Variants in JMJD1C observed in about 807,000 individuals in gnomAD.
JMJD1C encodes jumonji domain-containing protein 1C.
JMJD1C carries 31 observed loss-of-function variants against 245.3 expected under a neutral mutation model. That is an observed-to-expected ratio of 0.13 (90% CI 0.09 to 0.17). JMJD1C has a LOEUF of 0.17. Among genes scored for constraint, JMJD1C ranks in the 10% least tolerant of loss-of-function variants. The probability of loss-of-function intolerance (pLI) is 1.00; values close to 1 mark genes in which losing one functional copy is unlikely to be tolerated. For missense variants in JMJD1C, 2,691 were observed against 3,000.2 expected, an observed-to-expected ratio of 0.90 and a Z score of 2.41; for synonymous variants, 1,057 against 1,017.4, an observed-to-expected ratio of 1.04 and a Z score of -0.74.
At position 63,465,419 on chromosome 10, in the gene JMJD1C, G is replaced by A. The variant is rs1953154076; in HGVS notation, c.168+76C>T. 13 of 1,403,276 alleles carry A rather than the reference G, an allele frequency of 9.3e-6. No homozygotes were observed. In the South Asian group the frequency reaches 1.2e-4, roughly 13 times the overall value. The allele number at this position is 1,403,276 out of a possible 1,614,324, so 86.9% of individuals were successfully genotyped here. ...TGGCCGGGCTGAGCGAGGCGCCAGA[G>A]GGAAGCCTGCAAGGTACGTCTGCGA... On this transcript the variant is annotated intron_variant, in intron 1 of 25. Coordinates refer to ENST00000399262, the MANE Select transcript of JMJD1C (RefSeq NM_032776.3).
intron 21 of JMJD1C, 29 bp from the exon 22 acceptor site, chr10:63,183,598 A>T (rs865890342): frequency 2.2e-6 from 3 of 1,334,464 alleles, no homozygotes; most frequent in Non-Finnish European, 3.1e-6. Flanking sequence ...TTTACTTGAC[A>T]AAATATTTAT....
At chr10:63,219,717 T>G (rs1195112707) in intron 4 of JMJD1C, among the ~76,000 whole-genome samples, 161 bp downstream of exon 4, 1 of 152,202 alleles carries the variant, frequency 6.6e-6, no homozygotes, top group Non-Finnish European at 1.5e-5. Flanking sequence ...CAACTTTCTA[T>G]CAAAATTATT....
At chr10:63,485,610 G>T (rs374184339) in intron 1 of JMJD1C, among the ~76,000 whole-genome samples, 81 of 152,262 alleles carry the variant, frequency 5.3e-4, no homozygotes, top group African/African-American at 1.9e-3. Context: ...ACTCCATTTT[G>T]AGTTAGGAGA....
intron 1 of JMJD1C, among the ~76,000 whole-genome samples, chr10:63,486,158 A>C (rs1328582142): frequency 5.5e-4 from 25 of 45,820 alleles, no homozygotes; most frequent in East Asian, 1.6e-3. Flanking sequence ...AAAAAAAAAA[A>C]AAAAAAAAAA....
At chr10:63,305,629 C>CGTGTGTGT (rs36038855) in intron 2 of JMJD1C, among the ~76,000 whole-genome samples, 6,693 of 121,644 alleles carry the variant, frequency 0.055, 350 homozygotes, top group Non-Finnish European at 0.07. Flanking sequence ...ACCATGCTGG[C>CGTGTGTGT]GTGTGTGTGT....
At chr10:63,289,214 C>T (rs147654297) in intron 2 of JMJD1C, among the ~76,000 whole-genome samples, 78 of 152,214 alleles carry the variant, frequency 5.1e-4, no homozygotes, top group African/African-American at 1.7e-3. Flanking sequence ...AAATCCAGAA[C>T]TAGTGAAATT....
chr10:63,397,131 T>C (rs1043636817), intron 1 of JMJD1C, among the ~76,000 whole-genome samples: 5 of 152,234 alleles, frequency 3.3e-5, no homozygotes, highest in Non-Finnish European at 7.3e-5. Context: ...TCATTCTTAC[T>C]GGATCCACTA....
At chr10:63,239,042 G>A (rs528978108) in intron 3 of JMJD1C, among the ~76,000 whole-genome samples, 1 of 152,262 alleles carries the variant, frequency 6.6e-6, no homozygotes, top group East Asian at 1.9e-4. Flanking sequence ...GTCAGGAAAG[G>A]ATTTACAGAG....
intron 1 of JMJD1C, among the ~76,000 whole-genome samples, chr10:63,413,082 G>C (rs527963911): frequency 1.3e-5 from 2 of 152,234 alleles, no homozygotes; most frequent in African/African-American, 4.8e-5. Context: ...CCTATTGAAA[G>C]ACTAAGCAGT....
chr10:63,264,544 T>TA (rs1483202862), intron 3 of JMJD1C, 107 bp downstream of exon 3: 85 of 593,202 alleles, frequency 1.4e-4, no homozygotes, highest in Non-Finnish European at 1.2e-4. Context: ...TTCACACAAC[T>TA]AGAAGTTAGA....
At chr10:63,283,367 C>A (rs1857618391) in intron 2 of JMJD1C, among the ~76,000 whole-genome samples, 1 of 122,544 alleles carries the variant, frequency 8.2e-6, no homozygotes, top group East Asian at 2.3e-4. Flanking sequence ...CTTTCTGAGC[C>A]TTTTTTTTTT....
chr10:63,217,358 C>T (rs780003299), intron 4 of JMJD1C, 27 bp from the exon 5 acceptor site: 34 of 1,523,278 alleles, frequency 2.2e-5, no homozygotes, highest in Non-Finnish European at 2.8e-5. Context: ...GAAACAGAAA[C>T]ATCTTAAATG....
chr10:63,215,505 C>A, intron 6 of JMJD1C, 48 bp downstream of exon 6: 1 of 1,609,006 alleles, frequency 6.2e-7, no homozygotes. Flanking sequence ...TTTCTACTAG[C>A]CTAAGGAAAA....
At chr10:63,173,328 G>A (rs942224592) in intron 24 of JMJD1C, among the ~76,000 whole-genome samples, 10 of 152,090 alleles carry the variant, frequency 6.6e-5, no homozygotes, top group Admixed American at 3.3e-4. Context: ...AGAAGAAAAT[G>A]AGGAGAAAAT....
At chr10:63,292,925 T>C (rs1858950938) in intron 2 of JMJD1C, among the ~76,000 whole-genome samples, 1 of 151,982 alleles carries the variant, frequency 6.6e-6, no homozygotes, top group Non-Finnish European at 1.5e-5. Flanking sequence ...TTGCCTGTAA[T>C]CCCAGCTACT....
upstream of JMJD1C, among the ~76,000 whole-genome samples, chr10:63,468,653 A>T (rs374606657): frequency 1.3e-5 from 2 of 152,304 alleles, no homozygotes; most frequent in African/African-American, 4.8e-5. Context: ...TAGACATATA[A>T]ATTAGATTTT....
chr10:63,504,331 G>C (rs1206644386), intron 1 of JMJD1C, among the ~76,000 whole-genome samples: 2 of 152,172 alleles, frequency 1.3e-5, no homozygotes, highest in African/African-American at 2.4e-5. Flanking sequence ...GTACAATGCA[G>C]AGAACTGCAA....
chr10:63,472,785 A>T (rs1953533806), intron 1 of JMJD1C, among the ~76,000 whole-genome samples: 1 of 151,926 alleles, frequency 6.6e-6, no homozygotes, highest in African/African-American at 2.4e-5. Flanking sequence ...TTCAATTTTT[A>T]TTTATTTATT....
At chr10:63,318,624 T>C (rs907102604) in intron 2 of JMJD1C, among the ~76,000 whole-genome samples, 1 of 152,196 alleles carries the variant, frequency 6.6e-6, no homozygotes, top group East Asian at 1.9e-4. Context: ...CTTACGTAAG[T>C]TCAACATTCC....
Sources: allele counts gnomAD v4.1 joint callset (sites outside exome capture counted in the v4.1 genomes callset), GRCh38; gene constraint gnomAD v4.1.1; transcripts MANE v1.5; gene names NCBI Gene and HGNC (gene_info 2026-07-23, HGNC 2026-07-21).